NRXN3: variants seen among roughly 807,000 people sequenced by gnomAD.
NRXN3 encodes neurexin III.
NRXN3 carries 32 observed loss-of-function variants against 137.6 expected under a neutral mutation model. The ratio of observed to expected loss-of-function variants is 0.23; its 90% confidence interval spans 0.18 to 0.31. The LOEUF (loss-of-function observed/expected upper bound fraction) is 0.31. Ranked by LOEUF, NRXN3 falls within the 10% of genes least tolerant of loss-of-function variation. The probability of loss-of-function intolerance (pLI) is 1.00; values close to 1 mark genes in which losing one functional copy is unlikely to be tolerated. For synonymous variants in NRXN3, 798 were observed against 784.5 expected, an observed-to-expected ratio of 1.02 and a Z score of -0.29; for missense variants, 1,574 against 2,062.5, an observed-to-expected ratio of 0.76 and a Z score of 4.59.
In NRXN3 at chr14:79,504,674, TAA is replaced by T. The variant is rs1555492027; in HGVS notation, c.3444+37275_3444+37276del. Among the ~76,000 whole-genome samples the T allele has an allele frequency of 1.7e-4, 24 of 143,458 alleles. 2 individuals are homozygous for T. The highest frequency in any genetic ancestry group is 4.9e-4 in the Admixed American group (7 of 14,428). The allele number at this position is 143,458 out of a possible 152,430, so 94.1% of individuals were successfully genotyped here. A position where few individuals can be genotyped will look rare whatever the true frequency, so the allele number is the denominator to read the frequency against. On this transcript the variant is annotated intron_variant, in intron 16 of 20. Transcript: ENST00000335750. ...ATATATGTATATATATATATATATATAAAACATTACACATTTAGGACATTTCA... is the reference window on the plus strand; with the variant it reads ...ATATATGTATATATATATATATATATAACATTACACATTTAGGACATTTCA...
Position 79,206,768 on chromosome 14 carries a change from A to G in NRXN3, c.3262+218627A>G, listed in dbSNP as rs544282323. Among the ~76,000 whole-genome samples, 100 of 152,206 alleles carry G rather than the reference A, an allele frequency of 6.6e-4. 1 individual carries two copies. Among genetic ancestry groups the G allele is most frequent in the African/African-American group, 2.2e-3 (93 of 41,546 alleles). ...TCTTTTTGAACATTGAAGAGCGTTC[A>G]ATTTTTAATTAATCTTAATAGGCAC... On this transcript the variant is annotated intron_variant, in intron 15 of 20. Transcript: ENST00000335750.
At chr14:79,851,279 A>T (rs1489258982) in intron 20 of NRXN3, among the ~76,000 whole-genome samples, 3 of 152,172 alleles carry the variant, frequency 2.0e-5, no homozygotes, top group Non-Finnish European at 4.4e-5. Flanking sequence ...GCATTTATAC[A>T]ATCTTAATTC....
chr14:78,730,552 G>A (rs2098510256), intron 8 of NRXN3, among the ~76,000 whole-genome samples: 2 of 152,248 alleles, frequency 1.3e-5, no homozygotes, highest in South Asian at 4.1e-4. Context: ...AGAATGACTT[G>A]ACTCAGGGCT....
chr14:79,316,292 G>T (rs1833277135), intron 15 of NRXN3, among the ~76,000 whole-genome samples: 1 of 152,184 alleles, frequency 6.6e-6, no homozygotes, highest in Non-Finnish European at 1.5e-5. Flanking sequence ...TGAGAAAAAA[G>T]AATGTACTTA....
intron 19 of NRXN3, among the ~76,000 whole-genome samples, chr14:79,787,131 C>A (rs1201339136): frequency 6.6e-6 from 1 of 152,220 alleles, no homozygotes; most frequent in African/African-American, 2.4e-5. Context: ...AGAAATTTAT[C>A]TCTCTGGTAC....
rs144554830 is a variant in NRXN3 at position 78,205,167 on chromosome 14, T to G, written c.-704+34493T>G. Among the ~76,000 whole-genome samples, 1,130 of 152,328 alleles carry G rather than the reference T, an allele frequency of 7.4e-3. 8 individuals carry two copies. Among genetic ancestry groups the G allele is most frequent in the Non-Finnish European group, 0.012 (814 of 68,032 alleles). On this transcript the variant is annotated intron_variant, in intron 1 of 20. Coordinates refer to ENST00000335750, the MANE Select transcript of NRXN3 (RefSeq NM_001330195.2). The stretch of plus-strand genomic sequence containing the variant: ...TGTTTGGAGACTGAAGGGCTGGGGA[T>G]GCCAGAGGGTTAATGTCTAAATATC...
intron 8 of NRXN3, among the ~76,000 whole-genome samples, chr14:78,736,996 T>C (rs1444774067): frequency 1.3e-5 from 2 of 152,176 alleles, no homozygotes; most frequent in Non-Finnish European, 2.9e-5. Context: ...TTAATTTGCT[T>C]TTTGGGAAAA....
intron 17 of NRXN3, among the ~76,000 whole-genome samples, chr14:79,688,821 A>G (rs1039668112): frequency 3.9e-5 from 6 of 152,174 alleles, no homozygotes; most frequent in African/African-American, 1.4e-4. Context: ...CAGTGGTCCA[A>G]ATGAAAATGA....
intron 15 of NRXN3, among the ~76,000 whole-genome samples, chr14:79,262,040 C>T (rs964064701): frequency 6.6e-6 from 1 of 151,994 alleles, no homozygotes; most frequent in African/African-American, 2.4e-5. Flanking sequence ...AGAAGGGAAA[C>T]ACAGGGGAAG....
chr14:78,514,433 C>T (rs1055936045), intron 4 of NRXN3, among the ~76,000 whole-genome samples: 12 of 152,026 alleles, frequency 7.9e-5, no homozygotes, highest in African/African-American at 1.7e-4. Context: ...GGTGGAATCA[C>T]AAAGTTTAGC....
intron 4 of NRXN3, among the ~76,000 whole-genome samples, chr14:78,587,004 A>G (rs79616246): frequency 0.034 from 5,105 of 152,284 alleles, 106 homozygotes; most frequent in African/African-American, 0.051. Flanking sequence ...TTTCTCCCAG[A>G]AACAGTCTTG....
In NRXN3 at chr14:78,440,559, C is replaced by T. The variant is rs182875996; in HGVS notation, c.757+142699C>T. Among the ~76,000 whole-genome samples the T allele has an allele frequency of 7.8e-4, 118 of 152,228 alleles. No individual in the cohort carries two copies. In the Middle Eastern group the frequency reaches 0.021, roughly 27 times the overall value. On this transcript the variant is annotated intron_variant, in intron 4 of 20. Transcript: ENST00000335750. ...AGGTTCCTAGAGGTCGTGCAACTCA[C>T]GAGATAAAGCTCCAGGATCCTCCCC...
chr14:79,461,600 T>C (rs911950666), intron 15 of NRXN3, among the ~76,000 whole-genome samples: 3 of 152,228 alleles, frequency 2.0e-5, no homozygotes, highest in African/African-American at 7.2e-5. Flanking sequence ...TATGTCTCTA[T>C]TTGCTAGAAG....
At chr14:78,946,921 C>G (rs2099366484) in intron 10 of NRXN3, among the ~76,000 whole-genome samples, 1 of 152,152 alleles carries the variant, frequency 6.6e-6, no homozygotes, top group Non-Finnish European at 1.5e-5. Flanking sequence ...TAATTATTTT[C>G]TCTATGTGCA....
At chr14:78,814,323 G>GA (rs1342331557) in intron 10 of NRXN3, among the ~76,000 whole-genome samples, 1 of 152,108 alleles carries the variant, frequency 6.6e-6, no homozygotes, top group Non-Finnish European at 1.5e-5. Flanking sequence ...ACTACTAAAG[G>GA]AAAACAGAAC....
At chr14:78,657,900 A>G (rs1018465133) in intron 6 of NRXN3, among the ~76,000 whole-genome samples, 2 of 151,800 alleles carry the variant, frequency 1.3e-5, no homozygotes, top group Non-Finnish European at 2.9e-5. Flanking sequence ...TCTTGTTGCT[A>G]TCTCTCATGC....
At chr14:78,685,900 C>T (rs932642817) in intron 6 of NRXN3, among the ~76,000 whole-genome samples, 15 of 151,464 alleles carry the variant, frequency 9.9e-5, no homozygotes, top group African/African-American at 2.7e-4. Flanking sequence ...CCACCCACCT[C>T]GGCCTCCCAA....
intron 15 of NRXN3, among the ~76,000 whole-genome samples, chr14:79,159,128 G>A (rs182028755): frequency 8.6e-5 from 13 of 151,826 alleles, no homozygotes; most frequent in Non-Finnish European, 1.8e-4. Flanking sequence ...TAAAGTCAAT[G>A]AGCAAAATGT....
intron 10 of NRXN3, among the ~76,000 whole-genome samples, chr14:78,929,146 G>C (rs1231981166): frequency 2.0e-5 from 3 of 152,048 alleles, no homozygotes; most frequent in Admixed American, 6.6e-5. Flanking sequence ...TGAAGTGGTT[G>C]TTTGATTTTT....
Sources: allele counts gnomAD v4.1 joint callset (sites outside exome capture counted in the v4.1 genomes callset), GRCh38; gene constraint gnomAD v4.1.1; transcripts MANE v1.5; gene names NCBI Gene and HGNC (gene_info 2026-07-23, HGNC 2026-07-21).